Variants in GULP1 observed in about 807,000 individuals in gnomAD.
GULP1 encodes the protein GULP PTB domain containing engulfment adaptor 1, also known as PTB domain-containing engulfment adapter protein 1.
A neutral mutation model predicts 40.9 loss-of-function variants in GULP1; 19 were observed. The ratio of observed to expected loss-of-function variants is 0.46; its 90% CI spans 0.32 to 0.68. The LOEUF (loss-of-function observed/expected upper bound fraction) is 0.68. GULP1 is among the 30% of genes least tolerant of loss of function. The pLI, the probability that GULP1 is intolerant of heterozygous loss-of-function variation, is 0.03. For missense variants in GULP1, 312 were observed against 362.2 expected (o/e 0.86, Z 1.12); for synonymous variants, 119 against 117.6 (o/e 1.01, Z -0.08).
chr2:188,427,308 A>G (rs1333892482), intron 2 of GULP1, among the ~76,000 whole-genome samples: 1 of 152,182 alleles, frequency 6.6e-6, no homozygotes, highest in Non-Finnish European at 1.5e-5. Flanking sequence ...AGCCTAGCCC[A>G]TTTTCTGGGA....
At chr2:188,473,155 TTCTCTCTCTC>T (rs147222438) in intron 2 of GULP1, among the ~76,000 whole-genome samples, 2 of 120,916 alleles carry the variant, frequency 1.7e-5, no homozygotes, top group African/African-American at 5.1e-5. Flanking sequence ...GGGTCTCTCT[TTCTCTCTCTC>T]TCTCTCTCTC....
At chr2:188,546,965 A>G (rs1235297724) in intron 7 of GULP1, among the ~76,000 whole-genome samples, 1 of 152,028 alleles carries the variant, frequency 6.6e-6, no homozygotes, top group Admixed American at 6.6e-5. Flanking sequence ...TGGATCAATT[A>G]TTTAGGAACA....
At chr2:188,480,809 C>A (rs1466729631) in intron 3 of GULP1, among the ~76,000 whole-genome samples, 2 of 151,766 alleles carry the variant, frequency 1.3e-5, no homozygotes, top group Non-Finnish European at 2.9e-5. Context: ...CAACTAGTTA[C>A]ATTTTTTTAA....
At chr2:188,298,995 G>T (rs567798608) in intron 1 of GULP1, among the ~76,000 whole-genome samples, 3 of 152,176 alleles carry the variant, frequency 2.0e-5, no homozygotes, top group Non-Finnish European at 4.4e-5. Context: ...AATGCAGCTA[G>T]TCCCTACTGC....
At chr2:188,454,255 G>T (rs1000008296) in intron 2 of GULP1, among the ~76,000 whole-genome samples, 10 of 152,190 alleles carry the variant, frequency 6.6e-5, no homozygotes, top group Non-Finnish European at 1.5e-4. Flanking sequence ...GGGGATGTGG[G>T]AGTGTTCCCC....
At chr2:188,362,204 C>T (rs1017040054) in intron 1 of GULP1, among the ~76,000 whole-genome samples, 3 of 151,970 alleles carry the variant, frequency 2.0e-5, no homozygotes, top group Admixed American at 6.6e-5. Context: ...GGAAATATTC[C>T]ATGTAAAAGT....
intron 1 of GULP1, among the ~76,000 whole-genome samples, chr2:188,337,515 A>G (rs1306745920): frequency 6.6e-6 from 1 of 150,582 alleles, no homozygotes; most frequent in Non-Finnish European, 1.5e-5. Context: ...GGTACCTAAC[A>G]CTTTGAACTG....
chr2:188,469,737 T>A (rs565215011), intron 2 of GULP1, among the ~76,000 whole-genome samples: 103 of 152,332 alleles, frequency 6.8e-4, no homozygotes, highest in African/African-American at 2.4e-3. Flanking sequence ...TCTTCTATAC[T>A]CATTTTTTAT....
At chr2:188,361,154 A>G (rs2046027062) in intron 1 of GULP1, among the ~76,000 whole-genome samples, 1 of 152,060 alleles carries the variant, frequency 6.6e-6, no homozygotes, top group African/African-American at 2.4e-5. Context: ...TATTTGATAG[A>G]GAGTCGCTGT....
At chr2:188,313,726 T>C (rs1322027510) in intron 1 of GULP1, among the ~76,000 whole-genome samples, 1 of 152,212 alleles carries the variant, frequency 6.6e-6, no homozygotes, top group Non-Finnish European at 1.5e-5. Context: ...TTTCACAATA[T>C]TGATTTTTCC....
chr2:188,544,520 T>A (rs964179318), intron 7 of GULP1, among the ~76,000 whole-genome samples: 1 of 151,590 alleles, frequency 6.6e-6, no homozygotes, highest in African/African-American at 2.4e-5. Flanking sequence ...ATAAGTACCC[T>A]AAAACTTAAA....
In GULP1 at chr2:188,594,521, A is replaced by G. The variant is rs1412785426; in HGVS notation, c.*510A>G. The G allele has an allele frequency of 2.6e-5, 4 of 151,952 alleles. No individual in the cohort carries two copies. The highest frequency in any genetic ancestry group is 7.2e-5 in the African/African-American group (3 of 41,436). The allele number at this position is 151,952 out of a possible 1,614,324, so 9.4% of individuals were successfully genotyped here. A position where few individuals can be genotyped will look rare whatever the true frequency, so the allele number is the denominator to read the frequency against. The stretch of plus-strand genomic sequence containing the variant: ...ACTGTTCACATCACTGGGAAAATGT[A>G]AACTTTAAACATAATGCCACAAGGT... On this transcript the variant is annotated 3_prime_UTR_variant, in exon 12 of 12. Coordinates refer to ENST00000409830, the MANE Select transcript of GULP1 (RefSeq NM_016315.4).
intron 2 of GULP1, among the ~76,000 whole-genome samples, chr2:188,433,103 T>C (rs112246794): frequency 2.6e-5 from 4 of 152,254 alleles, no homozygotes; most frequent in African/African-American, 9.6e-5. Flanking sequence ...GAAGACTCTA[T>C]ATTTTAAAAT....
Position 188,587,869 on chromosome 2 carries a change from G to A in GULP1, c.763G>A (p.Gly255Arg). ...RSTEIKRDLF[G>R]AEPFDPFNCG... ...CTTCCTTGCAGAACGGGACCTGTTT[G>A]GAGCAGAACCTTTTGACCCATTTAA... Residue 255 changes from glycine (G) to arginine (R), a missense_variant, in exon 11 of 12, where the codon GGA (glycine) becomes AGA (arginine). Coordinates refer to ENST00000409830, the MANE Select transcript of GULP1 (RefSeq NM_016315.4). 6.2e-7 allele frequency: 1 copy of A among 1,604,502 alleles called. No homozygotes were observed.
At chr2:188,527,488 TAAAC>T (rs927166746) in intron 5 of GULP1, among the ~76,000 whole-genome samples, 3 of 152,062 alleles carry the variant, frequency 2.0e-5, no homozygotes, top group East Asian at 1.9e-4. Context: ...GAAGGGAAAA[TAAAC>T]AAAATTAATT....
intron 1 of GULP1, among the ~76,000 whole-genome samples, chr2:188,318,990 A>G (rs1020020422): frequency 7.2e-5 from 11 of 152,108 alleles, no homozygotes; most frequent in African/African-American, 2.7e-4. Flanking sequence ...CCTGCATCGA[A>G]TACATTATTT....
At chr2:188,370,888 GTTGGT>G (rs1270932122) in intron 1 of GULP1, among the ~76,000 whole-genome samples, 1 of 152,010 alleles carries the variant, frequency 6.6e-6, no homozygotes, top group Non-Finnish European at 1.5e-5. Context: ...TGTGATGATT[GTTGGT>G]TTGATTTTTG....
intron 2 of GULP1, among the ~76,000 whole-genome samples, chr2:188,474,821 A>G (rs930565171): frequency 6.6e-6 from 1 of 152,118 alleles, no homozygotes; most frequent in Non-Finnish European, 1.5e-5. Flanking sequence ...CAAAAGTAAC[A>G]ATTTTTTAAT....
chr2:188,406,566 TAATG>T (rs1173985923), intron 2 of GULP1, among the ~76,000 whole-genome samples: 2 of 151,698 alleles, frequency 1.3e-5, no homozygotes, highest in Non-Finnish European at 2.9e-5. Context: ...AAAATACAAT[TAATG>T]AAATAAAAAA....
Sources: gnomAD v4.1 joint callset for allele counts (sites outside exome capture counted in the v4.1 genomes callset) on GRCh38, gnomAD v4.1.1 for gene constraint, MANE v1.5 for transcripts, NCBI Gene and HGNC (gene_info 2026-07-23, HGNC 2026-07-21) for gene names.